Variants in SORCS1 observed in about 807,000 individuals in gnomAD.
SORCS1 encodes sortilin related VPS10 domain containing receptor 1.
A neutral mutation model predicts 146.1 loss-of-function variants in SORCS1; 60 were observed. That is an observed-to-expected ratio of 0.41 (90% confidence interval 0.33 to 0.51). The LOEUF is 0.51. SORCS1 is among the 20% of genes least tolerant of loss of function. The probability of loss-of-function intolerance (pLI) is 0.21; values close to 1 mark genes in which losing one functional copy is unlikely to be tolerated. For synonymous variants in SORCS1, 637 were observed against 584.0 expected (o/e 1.09, Z -1.31); for missense variants, 1,352 against 1,487.6 (o/e 0.91, Z 1.50).
chr10:106,867,594 T>G, intron 2 of SORCS1, among the ~76,000 whole-genome samples: 1 of 152,072 alleles, frequency 6.6e-6, no homozygotes. Context: ...TATTCAACAT[T>G]CTTAAAGAAA....
intron 1 of SORCS1, among the ~76,000 whole-genome samples, chr10:107,048,520 G>A (rs1197392897): frequency 6.6e-6 from 1 of 152,132 alleles, no homozygotes; most frequent in Non-Finnish European, 1.5e-5. Context: ...CCAATGACTA[G>A]GACTTTTCCA....
At chr10:107,001,048 C>T (rs573986169) in intron 1 of SORCS1, among the ~76,000 whole-genome samples, 1 of 152,180 alleles carries the variant, frequency 6.6e-6, no homozygotes, top group African/African-American at 2.4e-5. Context: ...GACTACCAGG[C>T]TAGTCTCTGG....
chr10:106,985,700 C>A (rs953763836), intron 1 of SORCS1, among the ~76,000 whole-genome samples: 22 of 151,944 alleles, frequency 1.4e-4, no homozygotes, highest in African/African-American at 4.6e-4. Flanking sequence ...CCACACCCAG[C>A]CAATTTTTGT....
chr10:106,597,424 GAGCGTGTGGATC>G lies in SORCS1; in HGVS notation c.3180_3191del (p.Ile1061_Leu1064del). 1 of 1,613,896 alleles carries G rather than the reference GAGCGTGTGGATC, an allele frequency of 6.2e-7. No homozygotes were observed. Among genetic ancestry groups the G allele is most frequent in the South Asian group, 1.1e-5 (1 of 91,060 alleles). The stretch of plus-strand genomic sequence containing the variant: ...GCTCGAAGTGTACTGAGTTTTGGTT[GAGCGTGTGGATC>G]AGCAATTCTGATATCTGAAAAAAGA... On this transcript the variant is annotated inframe_deletion, in exon 24 of 26. Transcript: ENST00000263054.
intron 2 of SORCS1, among the ~76,000 whole-genome samples, chr10:106,923,888 T>G (rs912342237): frequency 2.0e-5 from 3 of 152,236 alleles, no homozygotes; most frequent in African/African-American, 7.2e-5. Flanking sequence ...ATAACAGTTC[T>G]CTATCAGATA....
At chr10:107,029,415 A>G (rs1315582980) in intron 1 of SORCS1, among the ~76,000 whole-genome samples, 1 of 152,132 alleles carries the variant, frequency 6.6e-6, no homozygotes, top group Non-Finnish European at 1.5e-5. Context: ...CTCACCATAC[A>G]CTTCTCATTC....
chr10:106,663,411 T>G (rs1158485635), intron 17 of SORCS1, among the ~76,000 whole-genome samples: 1 of 152,142 alleles, frequency 6.6e-6, no homozygotes, highest in Non-Finnish European at 1.5e-5. Context: ...AGATCACAGT[T>G]GTGTGGGGAA....
At chr10:107,037,065 G>C (rs543210082) in intron 1 of SORCS1, among the ~76,000 whole-genome samples, 1 of 151,928 alleles carries the variant, frequency 6.6e-6, no homozygotes, top group African/African-American at 2.4e-5. Context: ...GGCTAACATG[G>C]TGAAACCCCT....
At chr10:106,884,413 C>T (rs544204163) in intron 2 of SORCS1, among the ~76,000 whole-genome samples, 1 of 152,160 alleles carries the variant, frequency 6.6e-6, no homozygotes, top group African/African-American at 2.4e-5. Context: ...AAATGAGGCA[C>T]CTTAACCTTC....
At chr10:106,895,266 T>A (rs182421377) in intron 2 of SORCS1, among the ~76,000 whole-genome samples, 1 of 152,306 alleles carries the variant, frequency 6.6e-6, no homozygotes, top group East Asian at 1.9e-4. Context: ...TAGACCCTCA[T>A]TAATTCTATG....
chr10:106,622,393 GA>G (rs1847812297), intron 19 of SORCS1, among the ~76,000 whole-genome samples: 1 of 150,928 alleles, frequency 6.6e-6, no homozygotes, highest in Non-Finnish European at 1.5e-5. Context: ...GACAGAGGCT[GA>G]AAACTTCTTG....
intron 2 of SORCS1, among the ~76,000 whole-genome samples, chr10:106,862,294 T>C (rs1950044011): frequency 6.6e-6 from 1 of 152,238 alleles, no homozygotes; most frequent in Non-Finnish European, 1.5e-5. Context: ...ACATCCTGTC[T>C]GTTTTCTACT....
chr10:106,926,856 CACACACACACAGAGAG>C (rs1456391326), intron 2 of SORCS1, among the ~76,000 whole-genome samples: 9 of 102,060 alleles, frequency 8.8e-5, no homozygotes, highest in African/African-American at 4.3e-4. Context: ...CACACACACA[CACACACACACAGAGAG>C]AGAGAGAGAG....
At chr10:106,625,678 C>T (rs1848061031) in intron 19 of SORCS1, among the ~76,000 whole-genome samples, 2 of 152,094 alleles carry the variant, frequency 1.3e-5, no homozygotes, top group South Asian at 2.1e-4. Flanking sequence ...TAAGATGGGG[C>T]CAGAAAGTCA....
At chr10:106,944,791 A>G (rs931552981) in intron 2 of SORCS1, among the ~76,000 whole-genome samples, 1 of 151,648 alleles carries the variant, frequency 6.6e-6, no homozygotes, top group African/African-American at 2.4e-5. Flanking sequence ...GAAGTAATGA[A>G]TAAAATCATT....
chr10:106,924,764 A>AT (rs368269912), intron 2 of SORCS1, among the ~76,000 whole-genome samples: 56,663 of 99,676 alleles, frequency 0.57, 11,736 homozygotes, highest in East Asian at 0.62. Flanking sequence ...AACTGCATGG[A>AT]TTTTTTTTTT....
chr10:106,834,119 T>C (rs1212558881), intron 2 of SORCS1, among the ~76,000 whole-genome samples: 1 of 152,176 alleles, frequency 6.6e-6, no homozygotes, highest in African/African-American at 2.4e-5. Context: ...AGTGCCCCTC[T>C]GTAAGTCCTG....
At chr10:106,734,188 T>C (rs1856795648) in intron 5 of SORCS1, among the ~76,000 whole-genome samples, 1 of 152,332 alleles carries the variant, frequency 6.6e-6, no homozygotes, top group Admixed American at 6.5e-5. Flanking sequence ...GCCTTTATGT[T>C]GAACTAGGAA....
rs748081320 is a variant in SORCS1, at chr10:106,706,599, G to A, written c.1179C>T (p.Ser393=). 8 of 1,614,030 alleles carry A rather than the reference G, an allele frequency of 5.0e-6. No individual in the cohort carries two copies. Among genetic ancestry groups the A allele is most frequent in the South Asian group, 2.2e-5 (2 of 91,088 alleles). Residue 393 remains serine (S), a synonymous_variant, in exon 8 of 26, where the codon TCC becomes TCT. Coordinates refer to ENST00000263054, the MANE Select transcript of SORCS1 (RefSeq NM_052918.5). The stretch of plus-strand genomic sequence containing the variant: ...TTTGGGCAAATGCATTCCTTCGGTA[G>A]GACACGTAGTAATGTGGCCGCCCTC... ...TSGGRPHYYV[S]YRRNAFAQMK...
Sources: allele counts gnomAD v4.1 joint callset (sites outside exome capture counted in the v4.1 genomes callset), GRCh38; gene constraint gnomAD v4.1.1; transcripts MANE v1.5; gene names NCBI Gene and HGNC (gene_info 2026-07-23, HGNC 2026-07-21).